The following RORA variants were observed in gnomAD, a reference collection of about 807,000 sequenced individuals.
RORA encodes RAR related orphan receptor A, also known as nuclear receptor ROR-alpha.
A neutral mutation model predicts 69.5 loss-of-function variants in RORA; 7 were observed. The ratio of observed to expected loss-of-function variants is 0.10; its 90% confidence interval spans 0.06 to 0.19. The LOEUF (loss-of-function observed/expected upper bound fraction) is 0.19, where lower values mean the gene tolerates loss of function less well. RORA is among the 10% of genes least tolerant of loss of function. RORA has a pLI of 1.00. For missense variants in RORA, 457 were observed against 663.0 expected, an observed-to-expected ratio of 0.69 and a Z score of 3.41; for synonymous variants, 261 against 240.8, an observed-to-expected ratio of 1.08 and a Z score of -0.78.
At chr15:60,672,768 G>T (rs1281682304) in intron 2 of RORA, among the ~76,000 whole-genome samples, 1 of 152,196 alleles carries the variant, frequency 6.6e-6, no homozygotes, top group African/African-American at 2.4e-5. Context: ...TGCACGTAAA[G>T]CATTAAACAC....
chr15:61,179,161 G>C (rs1326477015), intron 1 of RORA, among the ~76,000 whole-genome samples: 1 of 152,212 alleles, frequency 6.6e-6, no homozygotes, highest in Non-Finnish European at 1.5e-5. Flanking sequence ...TCCATAGAGG[G>C]AAGCAGCATG....
chr15:60,998,935 G>T (rs1894657714), intron 1 of RORA, among the ~76,000 whole-genome samples: 2 of 152,196 alleles, frequency 1.3e-5, no homozygotes, highest in African/African-American at 4.8e-5. Context: ...TCTCCGCTCA[G>T]TGACAGGGAG....
intron 1 of RORA, among the ~76,000 whole-genome samples, chr15:61,063,317 G>GA (rs1213600721): frequency 6.6e-6 from 1 of 152,114 alleles, no homozygotes; most frequent in Non-Finnish European, 1.5e-5. Context: ...AAGATATAGA[G>GA]AAAAAAGGCA....
intron 2 of RORA, among the ~76,000 whole-genome samples, chr15:60,570,767 CA>C (rs2067857116): frequency 6.6e-6 from 1 of 152,146 alleles, no homozygotes; most frequent in Non-Finnish European, 1.5e-5. Context: ...GGTCACAGTA[CA>C]GTAGTTGGAG....
chr15:60,527,315 T>C (rs2066391876), intron 3 of RORA, among the ~76,000 whole-genome samples: 1 of 152,242 alleles, frequency 6.6e-6, no homozygotes, highest in Non-Finnish European at 1.5e-5. Flanking sequence ...ATGATGAAAT[T>C]AGGAACAGAA....
chr15:61,090,241 A>T (rs718912), intron 1 of RORA, among the ~76,000 whole-genome samples: 34,453 of 152,120 alleles, frequency 0.23, 5,065 homozygotes, highest in Non-Finnish European at 0.34. Context: ...CACTTTCAAG[A>T]CCTTGTATTT....
At chr15:60,984,489 T>C (rs937150311) in intron 1 of RORA, among the ~76,000 whole-genome samples, 10 of 151,730 alleles carry the variant, frequency 6.6e-5, no homozygotes, top group Non-Finnish European at 1.3e-4. Context: ...ACAAGTCTTA[T>C]TGGAGAGAGT....
At chr15:61,027,781 A>G (rs1444154922) in intron 1 of RORA, among the ~76,000 whole-genome samples, 1 of 152,218 alleles carries the variant, frequency 6.6e-6, no homozygotes, top group Non-Finnish European at 1.5e-5. Context: ...AGTTAGAAAA[A>G]CTATGGGATA....
chr15:61,123,209 C>T (rs779636247), intron 1 of RORA, among the ~76,000 whole-genome samples: 20 of 152,094 alleles, frequency 1.3e-4, no homozygotes, highest in Admixed American at 8.5e-4. Context: ...GTTCTCAGGG[C>T]GGTGGGTAGG....
intron 1 of RORA, among the ~76,000 whole-genome samples, chr15:60,777,683 C>T (rs1014877866): frequency 6.6e-6 from 1 of 152,280 alleles, no homozygotes; most frequent in South Asian, 2.1e-4. Context: ...TAGGCATTTA[C>T]TCTAAGAGGT....
rs375909682 is a variant in RORA, at chr15:60,681,172, A to C, written c.167-2486T>G. On this transcript the variant is annotated intron_variant, in intron 1 of 10. Coordinates refer to ENST00000335670, the MANE Select transcript of RORA (RefSeq NM_134261.3). ...GTAAATGATTCCATAGAAGTACCAAAAAAAGCAGAAAACATCCTTTTCATT... is the reference window on the plus strand; with the variant it reads ...GTAAATGATTCCATAGAAGTACCAACAAAAGCAGAAAACATCCTTTTCATT... Among the ~76,000 whole-genome samples, 3 of 152,366 alleles carry C rather than the reference A, an allele frequency of 2.0e-5. No homozygotes were observed. In the East Asian group the frequency reaches 5.8e-4, roughly 29 times the overall value.
intron 1 of RORA, among the ~76,000 whole-genome samples, chr15:61,076,885 C>T (rs1023158610): frequency 1.6e-4 from 24 of 151,116 alleles, no homozygotes; most frequent in African/African-American, 5.6e-4. Context: ...GAGGAATCAT[C>T]AGAATAATGA....
chr15:61,130,142 A>G (rs2079178110), intron 1 of RORA, among the ~76,000 whole-genome samples: 1 of 152,260 alleles, frequency 6.6e-6, no homozygotes, highest in African/African-American at 2.4e-5. Flanking sequence ...TGCCTAATGA[A>G]TATCTTTCCA....
At chr15:60,666,350 T>C (rs28415288) in intron 2 of RORA, among the ~76,000 whole-genome samples, 23,250 of 139,848 alleles carry the variant, frequency 0.17, 1,836 homozygotes, top group East Asian at 0.26. Context: ...TTCTTTCTTT[T>C]TTTTTTTTTT....
intron 1 of RORA, among the ~76,000 whole-genome samples, chr15:60,822,956 T>TTTTC (rs970096411): frequency 1.5e-4 from 23 of 152,100 alleles, no homozygotes; most frequent in African/African-American, 5.5e-4. Flanking sequence ...CCCTTCATTA[T>TTTTC]TTTCTTTCTT....
intron 1 of RORA, among the ~76,000 whole-genome samples, chr15:60,725,755 G>A (rs2071348951): frequency 6.6e-6 from 1 of 152,144 alleles, no homozygotes; most frequent in African/African-American, 2.4e-5. Flanking sequence ...CTTGAGAACT[G>A]GTTCCATGGT....
chr15:60,767,632 C>G (rs892149758), intron 1 of RORA, among the ~76,000 whole-genome samples: 16 of 152,338 alleles, frequency 1.1e-4, no homozygotes, highest in African/African-American at 3.6e-4. Context: ...CAACTCTGCT[C>G]TAGTCTAACC....
At chr15:61,053,864 A>ATATATATATATATATAT (rs2078052193) in intron 1 of RORA, among the ~76,000 whole-genome samples, 1 of 18,854 alleles carries the variant, frequency 5.3e-5, no homozygotes, top group Non-Finnish European at 1.1e-4. Context: ...TATATATATA[A>ATATATATATATATATAT]ACATTCTTCA....
At chr15:60,533,908 C>T (rs1202823399) in intron 2 of RORA, among the ~76,000 whole-genome samples, 1 of 152,222 alleles carries the variant, frequency 6.6e-6, no homozygotes, top group Non-Finnish European at 1.5e-5. Flanking sequence ...TAGGTCCTAG[C>T]ATTTAAGTCA....
Sources: gnomAD v4.1 joint callset for allele counts (sites outside exome capture counted in the v4.1 genomes callset) on GRCh38, gnomAD v4.1.1 for gene constraint, MANE v1.5 for transcripts, NCBI Gene and HGNC (gene_info 2026-07-23, HGNC 2026-07-21) for gene names.